Variants in NRG1 observed in about 807,000 individuals in gnomAD.
NRG1 encodes pro-neuregulin-1, membrane-bound isoform.
Under a neutral mutation model 63.8 loss-of-function variants are expected in NRG1, and 18 were observed. The observed-to-expected ratio is 0.28, with a 90% CI of 0.19 to 0.42. The LOEUF is 0.42. Ranked by LOEUF, NRG1 falls within the 10% of genes least tolerant of loss-of-function variation. NRG1 has a pLI of 1.00. For missense variants in NRG1, 762 were observed against 814.7 expected, an observed-to-expected ratio of 0.94 and a Z score of 0.79; for synonymous variants, 302 against 301.3, an observed-to-expected ratio of 1.00 and a Z score of -0.02.
chr8:32,537,377 T>A (rs2129519930), intron 1 of NRG1, among the ~76,000 whole-genome samples: 1 of 152,170 alleles, frequency 6.6e-6, no homozygotes, highest in Admixed American at 6.5e-5. Context: ...AAATTCAGAC[T>A]AGGGTGACGA....
chr8:31,786,815 A>C (rs1390766007), intron 1 of NRG1, among the ~76,000 whole-genome samples: 2 of 152,150 alleles, frequency 1.3e-5, no homozygotes, highest in East Asian at 3.8e-4. Context: ...GTCCTCCAGG[A>C]AACTCTGTAT....
At chr8:31,729,540 A>G (rs751266725) in intron 1 of NRG1, among the ~76,000 whole-genome samples, 2 of 152,180 alleles carry the variant, frequency 1.3e-5, no homozygotes, top group African/African-American at 2.4e-5. Context: ...TTGCTGAGCT[A>G]GTATAGACAG....
At chr8:32,687,555 A>C (rs1430626751) in intron 5 of NRG1, among the ~76,000 whole-genome samples, 1 of 152,218 alleles carries the variant, frequency 6.6e-6, no homozygotes, top group Admixed American at 6.5e-5. Context: ...CCAGAAGCTC[A>C]GAACCATTAG....
intron 1 of NRG1, among the ~76,000 whole-genome samples, chr8:31,914,865 G>A (rs73673935): frequency 0.012 from 1,797 of 151,902 alleles, 36 homozygotes; most frequent in African/African-American, 0.04. Context: ...AATAGGGTCA[G>A]AATTTTAGAT....
intron 5 of NRG1, among the ~76,000 whole-genome samples, chr8:32,704,899 C>G (rs1481537316): frequency 6.6e-6 from 1 of 152,110 alleles, no homozygotes; most frequent in Non-Finnish European, 1.5e-5. Flanking sequence ...TCTGTGGGGA[C>G]AAACATGCCA....
At chr8:32,695,828 C>T (rs1813163552) in intron 5 of NRG1, among the ~76,000 whole-genome samples, 1 of 152,108 alleles carries the variant, frequency 6.6e-6, no homozygotes, top group South Asian at 2.1e-4. Flanking sequence ...ATTATGTGTC[C>T]CCTTGTTATC....
chr8:31,724,604 C>T (rs1289935167), intron 1 of NRG1, among the ~76,000 whole-genome samples: 1 of 142,286 alleles, frequency 7.0e-6, no homozygotes, highest in Non-Finnish European at 1.6e-5. Flanking sequence ...TGAAAGGATG[C>T]CAACATTTTT....
Position 32,358,885 on chromosome 8 carries a change from T to C in NRG1, c.38-236943T>C, listed in dbSNP as rs560561949. On this transcript the variant is annotated intron_variant, in intron 1 of 10. Coordinates refer to the NRG1 transcript ENST00000519301. ...TATCTTCTGTTTCTTAAAAAATAAA[T>C]AAATAAATAAAGCATATCAGCATAA... Among the ~76,000 whole-genome samples the C allele has an allele frequency of 3.5e-4, 53 of 152,144 alleles. 1 individual carries two copies. The highest frequency in any genetic ancestry group is 7.2e-4 in the Admixed American group (11 of 15,270).
chr8:31,927,708 A>G (rs971023297), intron 1 of NRG1, among the ~76,000 whole-genome samples: 14 of 149,868 alleles, frequency 9.3e-5, no homozygotes, highest in Non-Finnish European at 2.1e-4. Flanking sequence ...TCGGCCTCCC[A>G]AAGTGCTGGG....
At chr8:32,509,793 A>G (rs1828951974) in intron 1 of NRG1, among the ~76,000 whole-genome samples, 1 of 152,120 alleles carries the variant, frequency 6.6e-6, no homozygotes, top group South Asian at 2.1e-4. Flanking sequence ...CTTCTCAGTA[A>G]TTCATTAATA....
rs372206766 is a variant in NRG1, at chr8:32,358,802, G to A, written c.38-237026G>A. On this transcript the variant is annotated intron_variant, in intron 1 of 10. Coordinates refer to the NRG1 transcript ENST00000519301. ...AGGAAGAGTATTTAAAGTCAGGAGAGGGCCAAAGACAGAACCTTGAGATCC... is the reference window on the plus strand; with the variant it reads ...AGGAAGAGTATTTAAAGTCAGGAGAAGGCCAAAGACAGAACCTTGAGATCC... Among the ~76,000 whole-genome samples, 119 of 152,184 alleles carry A rather than the reference G, an allele frequency of 7.8e-4. 2 individuals are homozygous for A. In the South Asian group the frequency reaches 0.01, roughly 13 times the overall value.
Position 31,823,117 on chromosome 8 carries a change from CTTTTTTTT to C in NRG1, c.37+183703_37+183710del, listed in dbSNP as rs147209584. On this transcript the variant is annotated intron_variant, in intron 1 of 10. Coordinates refer to the NRG1 transcript ENST00000519301. Reference sequence around the variant, plus strand: ...TACTTGCTTGAATGCTGTCCTTGTTCTTTTTTTTTTTTTTTTTTTTTTTTGGTAGTTCT... The same window carrying C: ...TACTTGCTTGAATGCTGTCCTTGTTCTTTTTTTTTTTTTTTTGGTAGTTCT... Among the ~76,000 whole-genome samples, 48 of 77,976 alleles carry C rather than the reference CTTTTTTTT, an allele frequency of 6.2e-4. No individual in the cohort carries two copies. In the East Asian group the frequency reaches 0.014, roughly 22 times the overall value. 51.2% of individuals were successfully genotyped at this position (77,976 alleles called of 152,430 possible). A position where few individuals can be genotyped will look rare whatever the true frequency, so the allele number is the denominator to read the frequency against.
intron 1 of NRG1, among the ~76,000 whole-genome samples, chr8:31,980,705 T>C (rs1413431498): frequency 6.6e-6 from 1 of 152,028 alleles, no homozygotes; most frequent in African/African-American, 2.4e-5. Context: ...TTCCAATCAA[T>C]CTCCTTTCAA....
chr8:31,769,381 A>G (rs896520728), intron 1 of NRG1, among the ~76,000 whole-genome samples: 2 of 152,186 alleles, frequency 1.3e-5, no homozygotes, highest in Non-Finnish European at 2.9e-5. Context: ...AAGTTGGGCC[A>G]GAAAGACAGT....
chr8:32,072,921 C>T (rs921319654), intron 1 of NRG1, among the ~76,000 whole-genome samples: 5 of 151,846 alleles, frequency 3.3e-5, no homozygotes, highest in African/African-American at 9.7e-5. Flanking sequence ...ATTAACATCT[C>T]TTGTGTGAAG....
chr8:32,047,596 G>A (rs1821213587), intron 1 of NRG1, among the ~76,000 whole-genome samples: 2 of 151,912 alleles, frequency 1.3e-5, no homozygotes, highest in African/African-American at 4.8e-5. Flanking sequence ...GTTGGTCACA[G>A]AGTTGTTCTC....
chr8:31,668,004 C>T (rs547826890), intron 1 of NRG1, among the ~76,000 whole-genome samples: 2 of 152,110 alleles, frequency 1.3e-5, no homozygotes, highest in Middle Eastern at 3.2e-3. Context: ...TAAAAATCAA[C>T]ACATGTCACA....
chr8:31,811,979 C>A (rs1306937024), intron 1 of NRG1, among the ~76,000 whole-genome samples: 1 of 152,128 alleles, frequency 6.6e-6, no homozygotes, highest in Non-Finnish European at 1.5e-5. Context: ...GTCATTTCTG[C>A]TACTTTGTAA....
At chr8:32,741,707 T>C (rs1156386134) in intron 6 of NRG1, among the ~76,000 whole-genome samples, 1 of 152,192 alleles carries the variant, frequency 6.6e-6, no homozygotes, top group East Asian at 1.9e-4. Context: ...AATAGGGTCA[T>C]GCCAAAGGGA....
Sources: gnomAD v4.1 joint callset for allele counts (sites outside exome capture counted in the v4.1 genomes callset) on GRCh38, gnomAD v4.1.1 for gene constraint, MANE v1.5 for transcripts, NCBI Gene and HGNC (gene_info 2026-07-23, HGNC 2026-07-21) for gene names.